Variants in KBTBD11 observed in about 807,000 individuals in gnomAD.
The protein encoded by KBTBD11 is kelch repeat and BTB domain containing 11, also known as kelch repeat and BTB domain-containing protein 11.
For missense variants in KBTBD11, 1,390 were observed against 1,001.8 expected, an observed-to-expected ratio of 1.39 and a Z score of -5.23; for synonymous variants, 747 against 499.0, an observed-to-expected ratio of 1.50 and a Z score of -6.63.
At position 2,004,632 on chromosome 8, in the gene KBTBD11, G is replaced by C. The variant is rs544823537; in HGVS notation, c.*1568G>C. On this transcript the variant is annotated 3_prime_UTR_variant, in exon 2 of 2. Coordinates refer to ENST00000320248, the MANE Select transcript of KBTBD11 (RefSeq NM_014867.3). ...AGCTTGAACCTTATGCATGACTCGG[G>C]GGCTGGAATTTATGATCTGGGTTAC... 9 of 167,196 alleles carry C rather than the reference G, an allele frequency of 5.4e-5. No individual in the cohort carries two copies. Among genetic ancestry groups the C allele is most frequent in the African/African-American group, 2.2e-4 (9 of 41,566 alleles). 10.4% of individuals were successfully genotyped at this position (167,196 alleles called of 1,614,324 possible).
chr8:1,974,606 C>G (rs1029508125), intron 1 of KBTBD11: 123 of 985,014 alleles, frequency 1.2e-4, no homozygotes, highest in Non-Finnish European at 1.4e-4. Context: ...CCGCGACCCA[C>G]CCGCCCCACC....
chr8:1,984,327 C>T (rs1459542662), intron 1 of KBTBD11, among the ~76,000 whole-genome samples: 1 of 124,970 alleles, frequency 8.0e-6, no homozygotes, highest in African/African-American at 3.3e-5. Context: ...CTTGCACTTT[C>T]ACCCAGGCTG....
chr8:1,974,626 C>A, intron 1 of KBTBD11: 1 of 985,264 alleles, frequency 1.0e-6, no homozygotes, highest in Non-Finnish European at 1.2e-6. Flanking sequence ...CGCGCCGCGG[C>A]TCCCGAGTCC....
chr8:1,997,423 A>G lies in KBTBD11; in HGVS notation c.-908-2862A>G, dbSNP rs985867607. On this transcript the variant is annotated intron_variant, in intron 1 of 1. Transcript: ENST00000320248. Reference sequence around the variant, plus strand: ...TCTGGAAAAAAAAAAAAAAGTCTTAATGTTGAGTTTCTTTTAACATAATTT... The same window carrying G: ...TCTGGAAAAAAAAAAAAAAGTCTTAGTGTTGAGTTTCTTTTAACATAATTT... Among the ~76,000 whole-genome samples, 3 of 152,154 alleles carry G rather than the reference A, an allele frequency of 2.0e-5. No homozygotes were observed. In the East Asian group the frequency reaches 5.8e-4, roughly 29 times the overall value.
At chr8:1,981,620 C>G (rs1439473743) in intron 1 of KBTBD11, among the ~76,000 whole-genome samples, 1 of 152,164 alleles carries the variant, frequency 6.6e-6, no homozygotes, top group Non-Finnish European at 1.5e-5. Context: ...GGAAGATTTG[C>G]CCTCAGTACC....
At chr8:1,983,478 C>G (rs888426335) in intron 1 of KBTBD11, among the ~76,000 whole-genome samples, 31 of 152,328 alleles carry the variant, frequency 2.0e-4, no homozygotes, top group African/African-American at 7.2e-4. Flanking sequence ...CTATTTCCAT[C>G]ATCCGTCGGG....
At chr8:1,974,433 G>T in intron 1 of KBTBD11, 1 of 984,320 alleles carries the variant, frequency 1.0e-6, no homozygotes, top group Non-Finnish European at 1.2e-6. Context: ...TCCCGGGGTT[G>T]CTCCGCTTGG....
intron 1 of KBTBD11, among the ~76,000 whole-genome samples, 191 bp downstream of exon 1, chr8:1,974,126 AGCG>A (rs1816229228): frequency 3.5e-5 from 2 of 57,868 alleles, no homozygotes; most frequent in Admixed American, 1.8e-4. Flanking sequence ...AGGGGAGCGG[AGCG>A]GAGGGGAGGG....
Position 2,003,017 on chromosome 8 carries a change from C to T in KBTBD11, c.1825C>T (p.Leu609Phe), listed in dbSNP as rs766081448. The T allele has an allele frequency of 2.3e-6, 3 of 1,278,386 alleles. No individual in the cohort carries two copies. Among genetic ancestry groups the T allele is most frequent in the African/African-American group, 1.5e-5 (1 of 64,774 alleles). The allele number at this position is 1,278,386 out of a possible 1,614,324, so 79.2% of individuals were successfully genotyped here. A position where few individuals can be genotyped will look rare whatever the true frequency, so the allele number is the denominator to read the frequency against. The stretch of plus-strand genomic sequence containing the variant: ...CCGGGGTGTGCTCATCCCGTTCGCT[C>T]TCAGCCTGCCTGAGAAGCCGCCCCG... ...DVRGVLIPFA[L>F]SLPEKPPRGE... Residue 609 changes from leucine (L) to phenylalanine (F), a missense_variant, in exon 2 of 2, where the codon CTC becomes TTC. Physicochemically the swap from Leu to Phe is conservative, Grantham distance 22. Coordinates refer to ENST00000320248, the MANE Select transcript of KBTBD11 (RefSeq NM_014867.3).
rs543087577 is a variant in KBTBD11, at chr8:2,005,909, T to G, written c.*2845T>G. On this transcript the variant is annotated 3_prime_UTR_variant, in exon 2 of 2. Transcript: ENST00000320248. ...TTCTGTATTGCCAATCAAGGTTCATTTGAGATGCAGAGGAATGAGCTTGAG... is the reference window on the plus strand; with the variant it reads ...TTCTGTATTGCCAATCAAGGTTCATGTGAGATGCAGAGGAATGAGCTTGAG... 18 of 167,250 alleles carry G rather than the reference T, an allele frequency of 1.1e-4. No individual in the cohort carries two copies. The highest frequency in any genetic ancestry group is 4.3e-4 in the African/African-American group (18 of 41,582). The allele number at this position is 167,250 out of a possible 1,614,324, so 10.4% of individuals were successfully genotyped here. A position where few individuals can be genotyped will look rare whatever the true frequency, so the allele number is the denominator to read the frequency against.
At chr8:1,988,306 A>C (rs36089534) in intron 1 of KBTBD11, among the ~76,000 whole-genome samples, 49,028 of 152,078 alleles carry the variant, frequency 0.32, 10,337 homozygotes, top group African/African-American at 0.6. Context: ...GGAATCGCCA[A>C]ACTGTCTTCC....
intron 1 of KBTBD11, among the ~76,000 whole-genome samples, chr8:1,985,181 G>C (rs1344182542): frequency 6.6e-6 from 1 of 152,242 alleles, no homozygotes; most frequent in Non-Finnish European, 1.5e-5. Flanking sequence ...CCGAATGCAG[G>C]TGACCCGGCA....
rs1817438042 is a variant in KBTBD11, at chr8:2,002,764, G to A, written c.1572G>A (p.Val524=). 2.7e-6 allele frequency: 4 copies of A among 1,484,608 alleles called. No homozygotes were observed. Among genetic ancestry groups the A allele is most frequent in the Non-Finnish European group, 3.6e-6 (4 of 1,124,962 alleles). 92.0% of individuals were successfully genotyped at this position (1,484,608 alleles called of 1,614,324 possible). Residue 524 remains valine, a synonymous_variant, in exon 2 of 2, where the codon GTG becomes GTA. Transcript: ENST00000320248. The surrounding 1 kb of genome is among the most constrained non-coding windows in gnomAD (Gnocchi z 4.1). ...CGGCGGGGCCGAGCGGGGTCAGCGTGTCCCGATACCACTGCCTGGCCAAGC... is the reference window on the plus strand; with the variant it reads ...CGGCGGGGCCGAGCGGGGTCAGCGTATCCCGATACCACTGCCTGGCCAAGC... ...AQAAGPSGVS[V]SRYHCLAKQW...
chr8:1,979,143 T>C (rs1253789355), intron 1 of KBTBD11, among the ~76,000 whole-genome samples: 1 of 152,056 alleles, frequency 6.6e-6, no homozygotes, highest in Non-Finnish European at 1.5e-5. Context: ...CCGATGGTGG[T>C]GGGGCAAGTC....
intron 1 of KBTBD11, among the ~76,000 whole-genome samples, chr8:1,988,695 A>G (rs763592693): frequency 2.0e-5 from 3 of 152,166 alleles, no homozygotes; most frequent in Non-Finnish European, 4.4e-5. Flanking sequence ...AAACGTGTGC[A>G]GTGGCTCAAC....
rs1214102911 is a variant in KBTBD11 at position 2,004,022 on chromosome 8, C to T, written c.*958C>T. The T allele has an allele frequency of 6.0e-6, 1 of 166,778 alleles. No homozygotes were observed. Among genetic ancestry groups the T allele is most frequent in the Non-Finnish European group, 1.5e-5 (1 of 68,124 alleles). 10.3% of individuals were successfully genotyped at this position (166,778 alleles called of 1,614,324 possible). On this transcript the variant is annotated 3_prime_UTR_variant, in exon 2 of 2. Coordinates refer to ENST00000320248, the MANE Select transcript of KBTBD11 (RefSeq NM_014867.3). ...AGTTCTATAAAAAAAAGTGTAGGCA[C>T]ATTTTAAACCCACTGTATATGATGT...
rs906475385 is a variant in KBTBD11, at chr8:2,002,890, C to T, written c.1698C>T (p.Ser566=). ...TGGACGGCGCCATCTACTGCGTGAG[C>T]CGCGCGGGCACCTGGCGCTTCCAGC... ...AALDGAIYCV[S]RAGTWRFQPA... The change falls in exon 2 of 2, where the codon AGC becomes AGT. Residue 566 remains serine (S), a synonymous_variant. Transcript: ENST00000320248. This position sits in a 1 kb window ranked among gnomAD's most constrained non-coding sequence, Gnocchi z 4.1. The T allele has an allele frequency of 1.6e-5, 21 of 1,325,156 alleles. No individual in the cohort carries two copies. The highest frequency in any genetic ancestry group is 2.0e-5 in the Non-Finnish European group (21 of 1,042,082). 82.1% of individuals were successfully genotyped at this position (1,325,156 alleles called of 1,614,324 possible).
At chr8:1,989,776 G>T (rs373632875) in intron 1 of KBTBD11, among the ~76,000 whole-genome samples, 22 of 152,066 alleles carry the variant, frequency 1.4e-4, no homozygotes, top group African/African-American at 4.8e-4. Context: ...CCACAGAGTC[G>T]GAAGCAGGCA....
At chr8:1,975,944 C>T (rs772700204) in intron 1 of KBTBD11, 3 of 152,246 alleles carry the variant, frequency 2.0e-5, no homozygotes, top group Non-Finnish European at 4.4e-5. Context: ...GTCTTTGTCC[C>T]TGTGCTGATA....
Sources: allele counts gnomAD v4.1 joint callset (sites outside exome capture counted in the v4.1 genomes callset), GRCh38; gene constraint gnomAD v4.1.1; non-coding constraint Gnocchi (gnomAD v3.1); transcripts MANE v1.5; gene names NCBI Gene and HGNC (gene_info 2026-07-23, HGNC 2026-07-21).